RPS6KA1: variants seen among roughly 807,000 people sequenced by gnomAD.
The protein encoded by RPS6KA1 is ribosomal protein S6 kinase A1.
A neutral mutation model predicts 91.3 loss-of-function variants in RPS6KA1; 48 were observed. The ratio of observed to expected loss-of-function variants is 0.53; its 90% CI spans 0.42 to 0.67. The LOEUF (loss-of-function observed/expected upper bound fraction) is 0.67, where lower values mean the gene tolerates loss of function less well. Among genes scored for constraint, RPS6KA1 ranks in the 30% least tolerant of loss-of-function variants. The probability of loss-of-function intolerance (pLI) is 0.00; values close to 1 mark genes in which losing one functional copy is unlikely to be tolerated. For synonymous variants in RPS6KA1, 359 were observed against 384.7 expected (o/e 0.93, Z 0.78); for missense variants, 719 against 960.5 (o/e 0.75, Z 3.32).
chr1:26,533,567 G>A (rs2124611033), intron 1 of RPS6KA1, among the ~76,000 whole-genome samples: 1 of 152,298 alleles, frequency 6.6e-6, no homozygotes, highest in South Asian at 2.1e-4. Context: ...TTAGCCAGGT[G>A]TGGTGGTGCG....
chr1:26,574,036 C>T lies in RPS6KA1; in HGVS notation c.2086-43C>T, dbSNP rs1557519580. 1 of 1,596,508 alleles carries T rather than the reference C, an allele frequency of 6.3e-7. No homozygotes were observed. The highest frequency in any genetic ancestry group is 8.6e-7 in the Non-Finnish European group (1 of 1,166,602). ...TGGGGCATGGATCCCCTCCCCGCTA[C>T]ATCTCCCACCATTGTGACCTGACCT... On this transcript the variant is annotated intron_variant, in intron 21 of 21. Transcript: ENST00000374168. The surrounding 1 kb of genome is among the most constrained non-coding windows in gnomAD (Gnocchi z 4.3).
rs1029859688 is a variant in RPS6KA1, at chr1:26,538,146, G to T, written c.108+1177G>T. Among the ~76,000 whole-genome samples the T allele has an allele frequency of 2.6e-5, 4 of 152,326 alleles. 1 individual carries two copies. The East Asian group carries it at 7.7e-4, about 29-fold the overall frequency. Reference sequence around the variant, plus strand: ...GTATTCTCGCACCACTTCTCTGTGGGTTGCTGTGGCAACCTTGGACCAGCA... The same window carrying T: ...GTATTCTCGCACCACTTCTCTGTGGTTTGCTGTGGCAACCTTGGACCAGCA... On this transcript the variant is annotated intron_variant, in intron 2 of 21. Transcript: ENST00000374168.
At position 26,561,642 on chromosome 1, in the gene RPS6KA1, G is replaced by A; in HGVS notation, c.1569G>A (p.Val523=). 2 of 1,610,730 alleles carry A rather than the reference G, an allele frequency of 1.2e-6. No homozygotes were observed. Among genetic ancestry groups the A allele is most frequent in the East Asian group, 4.5e-5 (2 of 44,856 alleles). ...TCCTGCACACCATTGGCAAAACTGT[G>A]GAGTATCTGCACTCACAGGGGGTGA... ...SFVLHTIGKT[V]EYLHSQGVVH... is the part of the protein sequence containing the mutation. The change falls in exon 17 of 22, where the codon GTG becomes GTA. Residue 523 remains valine, a synonymous_variant. Transcript: ENST00000374168. The surrounding 1 kb of genome is among the most constrained non-coding windows in gnomAD (Gnocchi z 5.7).
chr1:26,557,209 A>G, intron 13 of RPS6KA1, 109 bp downstream of exon 13: 1 of 813,560 alleles, frequency 1.2e-6, no homozygotes, highest in Non-Finnish European at 2.0e-6. Flanking sequence ...AGGCCGAGGT[A>G]TGCGGGTGGG....
chr1:26,552,488 A>AT (rs550677346), intron 6 of RPS6KA1, among the ~76,000 whole-genome samples: 29,757 of 119,878 alleles, frequency 0.25, 4,586 homozygotes, highest in East Asian at 0.61. Context: ...TTTAATTGTA[A>AT]TTTTTTTTTT....
intron 17 of RPS6KA1, among the ~76,000 whole-genome samples, chr1:26,570,724 G>A (rs1158464381): frequency 6.6e-6 from 1 of 152,246 alleles, no homozygotes. Context: ...CACTCAGGGA[G>A]CTTACATGCC....
intron 1 of RPS6KA1, among the ~76,000 whole-genome samples, chr1:26,532,265 A>G (rs2124609469): frequency 6.6e-6 from 1 of 152,286 alleles, no homozygotes; most frequent in East Asian, 1.9e-4. Flanking sequence ...TGCCACGTAC[A>G]GAGCTTTACT....
rs1457629669 is a variant in RPS6KA1, at chr1:26,561,529, T to C, written c.1456T>C (p.Tyr486His). ...GGTGTATGATGATGGCAAACACGTG[T>C]ACCTGGTGACAGAGCTGATGCGGGG... is the stretch of plus-strand genomic sequence containing the variant. ...KDVYDDGKHVYLVTELMRGGE... is the reference protein window; with the variant it reads ...KDVYDDGKHVHLVTELMRGGE... Residue 486 changes from tyrosine (Y) to histidine (H), a missense_variant, in exon 17 of 22, where the codon TAC (tyrosine) becomes CAC (histidine). Tyr to His is a moderately conservative substitution (Grantham distance 83). This residue lies in a region of RPS6KA1 where 249 missense variants were observed against 323.1 expected (regional missense o/e 0.77). Coordinates refer to ENST00000374168, the MANE Select transcript of RPS6KA1 (RefSeq NM_002953.4). This position sits in a 1 kb window ranked among gnomAD's most constrained non-coding sequence, Gnocchi z 5.7. 1.2e-6 allele frequency: 2 copies of C among 1,613,952 alleles called. No individual in the cohort carries two copies. Among genetic ancestry groups the C allele is most frequent in the African/African-American group, 2.7e-5 (2 of 74,908 alleles).
intron 17 of RPS6KA1, among the ~76,000 whole-genome samples, chr1:26,568,359 C>A (rs575068117): frequency 1.3e-5 from 2 of 152,224 alleles, no homozygotes; most frequent in African/African-American, 4.8e-5. Context: ...TCCCCTCCCC[C>A]ACTCACCATC....
chr1:26,554,985 G>C lies in RPS6KA1; in HGVS notation c.757-166G>C, dbSNP rs1229216241. Reference sequence around the variant, plus strand: ...TCGCGCCCCCACCGCTGCTCCTGGTGGTCTGGTTGGCAGAGGCAAGAGGGA... The same window carrying C: ...TCGCGCCCCCACCGCTGCTCCTGGTCGTCTGGTTGGCAGAGGCAAGAGGGA... On this transcript the variant is annotated intron_variant, in intron 9 of 21. Transcript: ENST00000374168. This position sits in a 1 kb window ranked among gnomAD's most constrained non-coding sequence, Gnocchi z 4.6. Among the ~76,000 whole-genome samples, 4 of 152,186 alleles carry C rather than the reference G, an allele frequency of 2.6e-5. No individual in the cohort carries two copies. Among genetic ancestry groups the C allele is most frequent in the African/African-American group, 7.2e-5 (3 of 41,446 alleles).
At chr1:26,537,110 C>A in intron 2 of RPS6KA1, 141 bp downstream of exon 2, 1 of 818,612 alleles carries the variant, frequency 1.2e-6, no homozygotes, top group Non-Finnish European at 2.0e-6. Context: ...ATCCTTGTGG[C>A]AACCCTGGGC....
At chr1:26,546,744 G>A (rs1244828762) in intron 2 of RPS6KA1, 123 bp from the exon 3 acceptor site, 11 of 690,750 alleles carry the variant, frequency 1.6e-5, no homozygotes, top group African/African-American at 7.1e-5. Context: ...GCCCTTCAGG[G>A]AAGTCGTCTA....
intron 4 of RPS6KA1, among the ~76,000 whole-genome samples, chr1:26,548,853 C>T (rs997576205): frequency 1.3e-5 from 2 of 151,394 alleles, no homozygotes; most frequent in African/African-American, 2.4e-5. Context: ...TAGTTAACTC[C>T]GGTGTGGTCC....
Position 26,547,533 on chromosome 1 carries a change from A to C in RPS6KA1, c.307+263A>C. On this transcript the variant is annotated intron_variant, in intron 4 of 21. Coordinates refer to ENST00000374168, the MANE Select transcript of RPS6KA1 (RefSeq NM_002953.4). This position sits in a 1 kb window ranked among gnomAD's most constrained non-coding sequence, Gnocchi z 4.1. ...TGTTTGTCAGGGGGCGGGGCCCTCA[A>C]CTACCAAGCTGGTCAAGCAGAGGCA... is the stretch of plus-strand genomic sequence containing the variant. 2.4e-6 allele frequency: 1 copy of C among 422,592 alleles called. No homozygotes were observed. The allele number at this position is 422,592 out of a possible 1,614,324, so 26.2% of individuals were successfully genotyped here.
Position 26,547,043 on chromosome 1 carries a change from G to T in RPS6KA1, c.225+60G>T. The T allele has an allele frequency of 6.5e-7, 1 of 1,530,378 alleles. No homozygotes were observed. The highest frequency in any genetic ancestry group is 1.1e-5 in the South Asian group (1 of 89,304). 94.8% of individuals were successfully genotyped at this position (1,530,378 alleles called of 1,614,324 possible). A position where few individuals can be genotyped will look rare whatever the true frequency, so the allele number is the denominator to read the frequency against. On this transcript the variant is annotated intron_variant, in intron 3 of 21. Coordinates refer to ENST00000374168, the MANE Select transcript of RPS6KA1 (RefSeq NM_002953.4). This position sits in a 1 kb window ranked among gnomAD's most constrained non-coding sequence, Gnocchi z 4.1. The stretch of plus-strand genomic sequence containing the variant: ...TCGTCATGTTAGAGGTGGGGGTCAA[G>T]GGTCACCTAGGGGCCCAAAGGATCA...
Position 26,555,468 on chromosome 1 carries a change from A to G in RPS6KA1, c.828-69A>G. ...AGACTGAGCTGGGAACTAGATCTGGACAGGGGCCGGGGGAGATGGGGCCTC... is the reference window on the plus strand; with the variant it reads ...AGACTGAGCTGGGAACTAGATCTGGGCAGGGGCCGGGGGAGATGGGGCCTC... On this transcript the variant is annotated intron_variant, in intron 10 of 21. Coordinates refer to ENST00000374168, the MANE Select transcript of RPS6KA1 (RefSeq NM_002953.4). This position sits in a 1 kb window ranked among gnomAD's most constrained non-coding sequence, Gnocchi z 4.3. 7 of 1,442,942 alleles carry G rather than the reference A, an allele frequency of 4.9e-6. No homozygotes were observed. The South Asian group carries it at 6.1e-5, about 13-fold the overall frequency. The allele number at this position is 1,442,942 out of a possible 1,614,324, so 89.4% of individuals were successfully genotyped here.
Position 26,571,268 on chromosome 1 carries a change from A to G in RPS6KA1, c.1591-181A>G, listed in dbSNP as rs1172041090. The G allele has an allele frequency of 1.9e-5, 12 of 620,760 alleles. 1 individual carries two copies. The highest frequency in any genetic ancestry group is 5.8e-5 in the Admixed American group (2 of 34,394). 38.5% of individuals were successfully genotyped at this position (620,760 alleles called of 1,614,324 possible). On this transcript the variant is annotated intron_variant, in intron 17 of 21. Transcript: ENST00000374168. The surrounding 1 kb of genome is among the most constrained non-coding windows in gnomAD (Gnocchi z 5.1). ...CTTAGAGCTACCTGTAGACACCTAC[A>G]CAGAGTCAGTAGCAGCAGCAATAAG...
chr1:26,562,184 AC>A (rs1450908269), intron 17 of RPS6KA1, among the ~76,000 whole-genome samples: 2 of 152,228 alleles, frequency 1.3e-5, no homozygotes, highest in African/African-American at 4.8e-5. Context: ...AGCCTGGGCA[AC>A]AGAGCGAAAC....
rs180702810 is a variant in RPS6KA1 at position 26,540,665 on chromosome 1, T to G, written c.108+3696T>G. 8.5e-4 allele frequency among the ~76,000 whole-genome samples: 129 copies of G among 152,330 alleles called. No homozygotes were observed. The highest frequency in any genetic ancestry group is 3.1e-3 in the African/African-American group (127 of 41,592). ...ACCACAGCTCACTGTAGCCTTGACC[T>G]CCTAGGCTCAAGTGATCCTCCTACC... On this transcript the variant is annotated intron_variant, in intron 2 of 21. Transcript: ENST00000374168. The surrounding 1 kb of genome is among the most constrained non-coding windows in gnomAD (Gnocchi z 4.2).
Sources: gnomAD v4.1 joint callset for allele counts (sites outside exome capture counted in the v4.1 genomes callset) on GRCh38, gnomAD v4.1.1 for gene constraint, gnomAD v4.1.1 regional missense constraint, Gnocchi (gnomAD v3.1) non-coding constraint, MANE v1.5 for transcripts, NCBI Gene and HGNC (gene_info 2026-07-23, HGNC 2026-07-21) for gene names.